ROR1: variants seen among roughly 807,000 people sequenced by gnomAD.
The protein encoded by ROR1 is inactive tyrosine-protein kinase transmembrane receptor ROR1.
In ROR1, 19 loss-of-function variants were observed where a neutral mutation model predicts 78.8. The ratio of observed to expected loss-of-function variants is 0.24; its 90% CI spans 0.17 to 0.35. The LOEUF is 0.35. ROR1 is among the 10% of genes least tolerant of loss of function. The probability of loss-of-function intolerance (pLI) is 1.00; values close to 1 mark genes in which losing one functional copy is unlikely to be tolerated. For missense variants in ROR1, 917 were observed against 1,177.8 expected (o/e 0.78, Z 3.24); for synonymous variants, 386 against 433.6 (o/e 0.89, Z 1.36).
intron 1 of ROR1, among the ~76,000 whole-genome samples, chr1:63,804,837 C>A (rs1644818303): frequency 6.6e-6 from 1 of 152,274 alleles, no homozygotes; most frequent in South Asian, 2.1e-4. Flanking sequence ...AAGGTCACTG[C>A]AGCAGAGGAT....
rs75890093 is a variant in ROR1, at chr1:64,017,599, G to A, written c.163+8223G>A. 3.0e-3 allele frequency among the ~76,000 whole-genome samples: 464 copies of A among 152,208 alleles called. 3 individuals are homozygous for A. The highest frequency in any genetic ancestry group is 4.3e-3 in the Non-Finnish European group (290 of 68,006). On this transcript the variant is annotated intron_variant, in intron 2 of 8. Transcript: ENST00000371079. ...AGAAAGGGTCTTCCTCACCATGTAG[G>A]GGTCTTTCCAGCCGGTTATTCCAGC...
At chr1:63,965,146 GA>G (rs547820095) in intron 1 of ROR1, among the ~76,000 whole-genome samples, 1 of 152,248 alleles carries the variant, frequency 6.6e-6, no homozygotes, top group African/African-American at 2.4e-5. Flanking sequence ...TTTTACAGAT[GA>G]AAAAACTGAG....
intron 2 of ROR1, among the ~76,000 whole-genome samples, chr1:64,015,729 G>C (rs566063047): frequency 5.3e-5 from 8 of 152,216 alleles, no homozygotes; most frequent in African/African-American, 1.9e-4. Flanking sequence ...CCTAGGACTG[G>C]GGTGTCTGAG....
chr1:63,990,107 A>G (rs1646283525), intron 1 of ROR1, among the ~76,000 whole-genome samples: 1 of 152,224 alleles, frequency 6.6e-6, no homozygotes, highest in East Asian at 1.9e-4. Flanking sequence ...CCCAGCAGGC[A>G]TGAAGGCTGT....
chr1:63,877,289 G>A (rs1435083199), intron 1 of ROR1, among the ~76,000 whole-genome samples: 3 of 152,036 alleles, frequency 2.0e-5, no homozygotes, highest in Non-Finnish European at 4.4e-5. Context: ...GTTAGGCTTC[G>A]GAGCCAGATC....
At chr1:63,831,667 C>A (rs1194008147) in intron 1 of ROR1, among the ~76,000 whole-genome samples, 1 of 152,210 alleles carries the variant, frequency 6.6e-6, no homozygotes, top group Admixed American at 6.5e-5. Flanking sequence ...CCATGAAGAT[C>A]TCTGAATTGC....
At chr1:63,853,961 G>C (rs1645132532) in intron 1 of ROR1, among the ~76,000 whole-genome samples, 1 of 152,060 alleles carries the variant, frequency 6.6e-6, no homozygotes, top group Admixed American at 6.6e-5. Context: ...TAGGATGATG[G>C]GAATTTTAAC....
chr1:64,025,390 G>A (rs952150249), intron 2 of ROR1, among the ~76,000 whole-genome samples: 7 of 152,140 alleles, frequency 4.6e-5, no homozygotes, highest in Non-Finnish European at 5.9e-5. Flanking sequence ...GGAAAAAACA[G>A]CATGGAGATT....
At chr1:63,933,552 G>T (rs1183194600) in intron 1 of ROR1, among the ~76,000 whole-genome samples, 1 of 152,192 alleles carries the variant, frequency 6.6e-6, no homozygotes, top group Non-Finnish European at 1.5e-5. Flanking sequence ...TCGCAGAAGG[G>T]TTAAGAGACC....
rs545947664 is a variant in ROR1, at chr1:64,005,321, A to C, written c.92-3984A>C. 2.6e-5 allele frequency among the ~76,000 whole-genome samples: 4 copies of C among 152,316 alleles called. No homozygotes were observed. In the South Asian group the frequency reaches 8.3e-4, roughly 32 times the overall value. ...TTGCTGCTCCCATTTTATGGATGAG[A>C]AAATAGAAGTTAAATGATGTTCAGT... is the stretch of plus-strand genomic sequence containing the variant. On this transcript the variant is annotated intron_variant, in intron 1 of 8. Coordinates refer to ENST00000371079, the MANE Select transcript of ROR1 (RefSeq NM_005012.4).
At chr1:64,155,515 G>A (rs1257578975) in intron 7 of ROR1, among the ~76,000 whole-genome samples, 1 of 152,160 alleles carries the variant, frequency 6.6e-6, no homozygotes, top group African/African-American at 2.4e-5. Flanking sequence ...AGTGTAATCA[G>A]AAGGAGCCAA....
In ROR1 at chr1:63,826,521, C is replaced by A. The variant is rs376738308; in HGVS notation, c.91+52013C>A. ...ATGGGTATTTGTGTTGATTCCATGT[C>A]TTTGCTATTGTGGATAGTGTTGCAA... is the stretch of plus-strand genomic sequence containing the variant. On this transcript the variant is annotated intron_variant, in intron 1 of 8. Coordinates refer to ENST00000371079, the MANE Select transcript of ROR1 (RefSeq NM_005012.4). 6.6e-5 allele frequency among the ~76,000 whole-genome samples: 10 copies of A among 152,166 alleles called. 1 individual carries two copies. The highest frequency in any genetic ancestry group is 2.1e-4 in the South Asian group (1 of 4,820).
At position 64,049,728 on chromosome 1, in the gene ROR1, C is replaced by T; in HGVS notation, c.201C>T (p.Ile67=). The T allele has an allele frequency of 6.2e-7, 1 of 1,614,060 alleles. No individual in the cohort carries two copies. Among genetic ancestry groups the T allele is most frequent in the Non-Finnish European group, 8.5e-7 (1 of 1,180,000 alleles). ...YLTLDEPMNN[I]TTSLGQTAEL... ...CCCTCGATGAACCAATGAATAACAT[C>T]ACCACGTCTCTGGGCCAGACAGCAG... The change falls in exon 3 of 9, where the codon ATC becomes ATT. Residue 67 remains isoleucine, a synonymous_variant. Transcript: ENST00000371079.
At chr1:63,902,378 C>T (rs1226057570) in intron 1 of ROR1, among the ~76,000 whole-genome samples, 3 of 150,898 alleles carry the variant, frequency 2.0e-5, no homozygotes, top group African/African-American at 7.3e-5. Context: ...AGGGCAGTGG[C>T]TTAATCATGA....
intron 1 of ROR1, among the ~76,000 whole-genome samples, chr1:63,981,442 A>T (rs1646209059): frequency 6.6e-6 from 1 of 152,092 alleles, no homozygotes; most frequent in South Asian, 2.1e-4. Context: ...CAAGGCCCAG[A>T]TTGGTGCCCA....
chr1:63,867,631 G>GTGGT (rs1296306664), intron 1 of ROR1, among the ~76,000 whole-genome samples: 1 of 152,228 alleles, frequency 6.6e-6, no homozygotes, highest in Non-Finnish European at 1.5e-5. Flanking sequence ...GGGTAACGAG[G>GTGGT]TGGTTCACTT....
intron 1 of ROR1, among the ~76,000 whole-genome samples, chr1:63,819,612 G>C (rs1275845364): frequency 6.6e-6 from 1 of 152,162 alleles, no homozygotes; most frequent in Admixed American, 6.5e-5. Flanking sequence ...ACATGGCATA[G>C]ATAGGAATTG....
chr1:63,875,927 G>A (rs907942998), intron 1 of ROR1, among the ~76,000 whole-genome samples: 1 of 152,078 alleles, frequency 6.6e-6, no homozygotes, highest in African/African-American at 2.4e-5. Context: ...TGGCACTCTG[G>A]GATTTATTTT....
intron 1 of ROR1, among the ~76,000 whole-genome samples, chr1:63,834,748 A>G (rs930799012): frequency 1.3e-5 from 2 of 152,114 alleles, no homozygotes; most frequent in African/African-American, 4.8e-5. Flanking sequence ...TGCTTTGTGC[A>G]TTGGTTCCAA....
Sources: allele counts gnomAD v4.1 joint callset (sites outside exome capture counted in the v4.1 genomes callset), GRCh38; gene constraint gnomAD v4.1.1; transcripts MANE v1.5; gene names NCBI Gene and HGNC (gene_info 2026-07-23, HGNC 2026-07-21).